Variants in ATF6 observed in about 807,000 individuals in gnomAD.
The protein encoded by ATF6 is cyclic AMP-dependent transcription factor ATF-6 alpha.
In ATF6, 53 loss-of-function variants were observed where a neutral mutation model predicts 83.6. The observed-to-expected ratio is 0.63, with a 90% CI of 0.51 to 0.80. The LOEUF (loss-of-function observed/expected upper bound fraction) is 0.80. Among genes scored for constraint, ATF6 ranks in the 30% least tolerant of loss-of-function variants. The pLI is 0.00. For synonymous variants in ATF6, 288 were observed against 285.8 expected, an observed-to-expected ratio of 1.01 and a Z score of -0.08; for missense variants, 744 against 797.9, an observed-to-expected ratio of 0.93 and a Z score of 0.81.
At chr1:161,851,602 A>G in intron 10 of ATF6, 120 bp from the exon 11 acceptor site, 1 of 619,276 alleles carries the variant, frequency 1.6e-6, no homozygotes, top group Non-Finnish European at 2.9e-6. Flanking sequence ...ATCTTGCAGT[A>G]TATTCTGTTT....
At chr1:161,798,752 C>T (rs1685076356) in intron 6 of ATF6, among the ~76,000 whole-genome samples, 1 of 152,024 alleles carries the variant, frequency 6.6e-6, no homozygotes, top group South Asian at 2.1e-4. Context: ...AGAAACTTAA[C>T]AAGCAAAAAA....
Position 161,956,950 on chromosome 1 carries a change from G to A in ATF6, c.1805-1496G>A, listed in dbSNP as rs527994457. ...AAAACATGCACACACAAAACTTTGC[G>A]TATGATTTCAGGGAACTTACAGACT... On this transcript the variant is annotated intron_variant, in intron 15 of 15. Coordinates refer to ENST00000367942, the MANE Select transcript of ATF6 (RefSeq NM_007348.4). Among the ~76,000 whole-genome samples, 16 of 152,152 alleles carry A rather than the reference G, an allele frequency of 1.1e-4. No individual in the cohort carries two copies. The South Asian group carries it at 1.7e-3, about 16-fold the overall frequency.
At chr1:161,885,602 T>G (rs976287761) in intron 14 of ATF6, among the ~76,000 whole-genome samples, 1 of 152,076 alleles carries the variant, frequency 6.6e-6, no homozygotes, top group African/African-American at 2.4e-5. Flanking sequence ...TAATTCAACA[T>G]TTTTTTCAGA....
chr1:161,795,021 A>T (rs1684981559), intron 6 of ATF6, among the ~76,000 whole-genome samples: 1 of 152,132 alleles, frequency 6.6e-6, no homozygotes, highest in Non-Finnish European at 1.5e-5. Flanking sequence ...TTGAAATGGG[A>T]GACAGAGGTA....
intron 12 of ATF6, among the ~76,000 whole-genome samples, chr1:161,857,534 C>G (rs1571194493): frequency 6.6e-6 from 1 of 152,084 alleles, no homozygotes; most frequent in South Asian, 2.1e-4. Flanking sequence ...GAATTTGTCT[C>G]CAGAAGACCT....
chr1:161,940,049 A>T (rs1451733419), intron 15 of ATF6, among the ~76,000 whole-genome samples: 1 of 152,146 alleles, frequency 6.6e-6, no homozygotes, highest in Non-Finnish European at 1.5e-5. Context: ...ACATTCTCGA[A>T]CACCTGCCTG....
At chr1:161,814,849 A>G (rs1052049811) in intron 7 of ATF6, among the ~76,000 whole-genome samples, 2 of 152,216 alleles carry the variant, frequency 1.3e-5, no homozygotes, top group African/African-American at 4.8e-5. Flanking sequence ...AAATTTGCCA[A>G]TGATTTTAAC....
At chr1:161,824,974 T>G (rs1220172224) in intron 9 of ATF6, among the ~76,000 whole-genome samples, 1 of 152,246 alleles carries the variant, frequency 6.6e-6, no homozygotes, top group Non-Finnish European at 1.5e-5. Context: ...TACACACTTC[T>G]GACACCAGAT....
chr1:161,830,198 A>G (rs1450912429), intron 9 of ATF6, among the ~76,000 whole-genome samples: 4 of 152,244 alleles, frequency 2.6e-5, no homozygotes, highest in East Asian at 3.8e-4. Flanking sequence ...CCCATTCACA[A>G]TTGCTTCAAA....
rs552995754 is a variant in ATF6 at position 161,924,421 on chromosome 1, G to C, written c.1804+12041G>C. ...AAATCCACATATTTAAAAAAATCTA[G>C]AATCTTGACATTGAAAATATAAATG... is the stretch of plus-strand genomic sequence containing the variant. On this transcript the variant is annotated intron_variant, in intron 15 of 15. Transcript: ENST00000367942. 2.6e-5 allele frequency among the ~76,000 whole-genome samples: 4 copies of C among 152,238 alleles called. No homozygotes were observed. In the East Asian group the frequency reaches 7.7e-4, roughly 29 times the overall value.
chr1:161,778,122 TTATC>T, intron 1 of ATF6, 118 bp from the exon 2 acceptor site: 2 of 657,382 alleles, frequency 3.0e-6, no homozygotes, highest in East Asian at 2.8e-5. Flanking sequence ...TTACTGGAGT[TTATC>T]AATAATAGTA....
At chr1:161,929,521 C>T (rs1470940514) in intron 15 of ATF6, among the ~76,000 whole-genome samples, 1 of 152,162 alleles carries the variant, frequency 6.6e-6, no homozygotes, top group Non-Finnish European at 1.5e-5. Context: ...ACAAGGAAGT[C>T]TGGGAAATAA....
At chr1:161,791,658 G>T (rs1303005579) in intron 5 of ATF6, 121 bp downstream of exon 5, 10 of 1,078,200 alleles carry the variant, frequency 9.3e-6, no homozygotes, top group Non-Finnish European at 1.2e-5. Context: ...TTTTTTAATT[G>T]GTGGACCTAT....
chr1:161,864,847 A>G (rs1223923533), intron 14 of ATF6, among the ~76,000 whole-genome samples: 6 of 152,218 alleles, frequency 3.9e-5, no homozygotes, highest in Non-Finnish European at 7.3e-5. Flanking sequence ...TTCCCTTACT[A>G]TTGACACAAT....
At chr1:161,863,117 A>T in intron 13 of ATF6, 81 bp from the exon 14 acceptor site, 4 of 735,808 alleles carry the variant, frequency 5.4e-6, no homozygotes, top group Non-Finnish European at 6.6e-6. Context: ...TAGAATTCAG[A>T]CATAGCCTTA....
At chr1:161,802,457 A>C (rs1326231779) in intron 7 of ATF6, among the ~76,000 whole-genome samples, 185 bp downstream of exon 7, 1 of 152,160 alleles carries the variant, frequency 6.6e-6, no homozygotes, top group African/African-American at 2.4e-5. Flanking sequence ...ACTACGTTAG[A>C]ATCTAAGTGA....
At chr1:161,780,522 C>T (rs574951008) in intron 2 of ATF6, among the ~76,000 whole-genome samples, 54 of 151,958 alleles carry the variant, frequency 3.6e-4, no homozygotes, top group African/African-American at 5.8e-4. Context: ...TCCAGGCACC[C>T]GCCACCACGC....
At chr1:161,842,759 T>A (rs1686388272) in intron 9 of ATF6, among the ~76,000 whole-genome samples, 1 of 152,118 alleles carries the variant, frequency 6.6e-6, no homozygotes, top group African/African-American at 2.4e-5. Flanking sequence ...AAATAAAAAA[T>A]TTTAAAAAAA....
intron 2 of ATF6, among the ~76,000 whole-genome samples, chr1:161,781,530 T>C (rs1684635245): frequency 6.6e-6 from 1 of 152,246 alleles, no homozygotes; most frequent in South Asian, 2.1e-4. Context: ...GAGATTATAT[T>C]ATGAATAGCA....
Sources: gnomAD v4.1 joint callset for allele counts (sites outside exome capture counted in the v4.1 genomes callset) on GRCh38, gnomAD v4.1.1 for gene constraint, MANE v1.5 for transcripts, NCBI Gene and HGNC (gene_info 2026-07-23, HGNC 2026-07-21) for gene names.